CNTNAP2: variants seen among roughly 807,000 people sequenced by gnomAD.
CNTNAP2 encodes contactin-associated protein-like 2.
CNTNAP2 carries 98 observed loss-of-function variants against 155.2 expected under a neutral mutation model. The ratio of observed to expected loss-of-function variants is 0.63; its 90% CI spans 0.54 to 0.75. The LOEUF (loss-of-function observed/expected upper bound fraction) is 0.75, where lower values mean the gene tolerates loss of function less well. Ranked by LOEUF, CNTNAP2 falls within the 30% of genes least tolerant of loss-of-function variation. CNTNAP2 has a pLI of 0.00. For synonymous variants in CNTNAP2, 651 were observed against 631.2 expected, an observed-to-expected ratio of 1.03 and a Z score of -0.47; for missense variants, 1,727 against 1,688.1, an observed-to-expected ratio of 1.02 and a Z score of -0.40.
chr7:148,407,007 T>A (rs1213842240), intron 22 of CNTNAP2, among the ~76,000 whole-genome samples: 1 of 152,218 alleles, frequency 6.6e-6, no homozygotes, highest in East Asian at 1.9e-4. Context: ...GTCTATTTTA[T>A]TGTTCACTGT....
At chr7:147,847,919 G>A (rs1563109380) in intron 13 of CNTNAP2, among the ~76,000 whole-genome samples, 2 of 127,364 alleles carry the variant, frequency 1.6e-5, no homozygotes, top group African/African-American at 6.0e-5. Context: ...GGGGGTCAGG[G>A]GTCAGGGACC....
chr7:147,849,704 AG>A (rs1189037161), intron 13 of CNTNAP2, among the ~76,000 whole-genome samples: 1 of 152,232 alleles, frequency 6.6e-6, no homozygotes, highest in African/African-American at 2.4e-5. Context: ...ACCTGCGAGC[AG>A]GCCAGGGACT....
At chr7:147,617,547 TGC>T (rs1801316304) in intron 12 of CNTNAP2, among the ~76,000 whole-genome samples, 1 of 152,160 alleles carries the variant, frequency 6.6e-6, no homozygotes, top group Non-Finnish European at 1.5e-5. Context: ...ATCTGCATAT[TGC>T]CCCTCCCCAC....
intron 2 of CNTNAP2, among the ~76,000 whole-genome samples, chr7:146,780,352 AT>A (rs559283085): frequency 9.4e-5 from 14 of 148,596 alleles, no homozygotes; most frequent in Admixed American, 4.0e-4. Flanking sequence ...TGCCTGGCTA[AT>A]TTTTTTTTTG....
intron 1 of CNTNAP2, among the ~76,000 whole-genome samples, chr7:146,393,241 T>A (rs1435721113): frequency 6.6e-6 from 1 of 152,182 alleles, no homozygotes; most frequent in Non-Finnish European, 1.5e-5. Flanking sequence ...AGTGACAAAG[T>A]TCTTTCATAT....
chr7:146,351,907 C>T (rs954513516), intron 1 of CNTNAP2, among the ~76,000 whole-genome samples: 25 of 152,132 alleles, frequency 1.6e-4, no homozygotes, highest in African/African-American at 5.8e-4. Context: ...CTCTATTGCT[C>T]TCTTGAGTTT....
chr7:146,513,022 C>G (rs1797490522), intron 1 of CNTNAP2, among the ~76,000 whole-genome samples: 1 of 151,836 alleles, frequency 6.6e-6, no homozygotes, highest in African/African-American at 2.4e-5. Flanking sequence ...TGAATTGACC[C>G]TTTTATAATT....
intron 12 of CNTNAP2, among the ~76,000 whole-genome samples, chr7:147,572,158 C>T (rs1800307233): frequency 1.3e-5 from 2 of 151,480 alleles, no homozygotes; most frequent in Middle Eastern, 3.4e-3. Flanking sequence ...GGATTACCCA[C>T]TCCCAAAGAC....
intron 20 of CNTNAP2, among the ~76,000 whole-genome samples, chr7:148,262,089 C>T (rs185275523): frequency 1.8e-4 from 27 of 152,204 alleles, no homozygotes; most frequent in East Asian, 5.8e-4. Context: ...TAGAGAATGA[C>T]GGGGTGGCTC....
chr7:147,711,369 G>A (rs1268138463), intron 13 of CNTNAP2, among the ~76,000 whole-genome samples: 1 of 152,176 alleles, frequency 6.6e-6, no homozygotes, highest in Non-Finnish European at 1.5e-5. Context: ...GCATACATGA[G>A]TACAGATGGT....
In CNTNAP2 at chr7:148,330,599, A is replaced by G. The variant is rs565770588; in HGVS notation, c.3476-53050A>G. Among the ~76,000 whole-genome samples, 781 of 79,080 alleles carry G rather than the reference A, an allele frequency of 9.9e-3. 12 individuals carry two copies. The highest frequency in any genetic ancestry group is 0.024 in the African/African-American group (526 of 21,768). 51.9% of individuals were successfully genotyped at this position (79,080 alleles called of 152,430 possible). A position where few individuals can be genotyped will look rare whatever the true frequency, so the allele number is the denominator to read the frequency against. ...AGTGGATGGATGGAGTGGACGGATGAAGTGGACGGATGGAATGGACACATG... is the reference window on the plus strand; with the variant it reads ...AGTGGATGGATGGAGTGGACGGATGGAGTGGACGGATGGAATGGACACATG... On this transcript the variant is annotated intron_variant, in intron 21 of 23. Transcript: ENST00000361727.
chr7:147,159,490 A>G (rs183986849), intron 8 of CNTNAP2, among the ~76,000 whole-genome samples: 1 of 152,206 alleles, frequency 6.6e-6, no homozygotes, highest in Admixed American at 6.5e-5. Flanking sequence ...TTTGGATGCA[A>G]TCTTTTAAGA....
At chr7:147,924,534 G>C (rs1033610724) in intron 14 of CNTNAP2, among the ~76,000 whole-genome samples, 2 of 152,052 alleles carry the variant, frequency 1.3e-5, no homozygotes, top group Non-Finnish European at 2.9e-5. Flanking sequence ...TAAAGAAACC[G>C]AGGCTTAGAG....
At chr7:148,350,380 G>T (rs1416680676) in intron 21 of CNTNAP2, among the ~76,000 whole-genome samples, 1 of 152,204 alleles carries the variant, frequency 6.6e-6, no homozygotes, top group East Asian at 1.9e-4. Flanking sequence ...AGGATATGAG[G>T]TTTGCAGAAA....
chr7:146,854,561 G>C (rs1340214927), intron 3 of CNTNAP2, among the ~76,000 whole-genome samples: 1 of 133,236 alleles, frequency 7.5e-6, no homozygotes, highest in Non-Finnish European at 1.6e-5. Context: ...AGAGAGCTTA[G>C]CAAAGGGTCT....
intron 2 of CNTNAP2, among the ~76,000 whole-genome samples, chr7:146,800,721 C>T (rs1477738280): frequency 2.6e-5 from 4 of 152,048 alleles, no homozygotes; most frequent in Non-Finnish European, 4.4e-5. Flanking sequence ...GGAGAATTCT[C>T]ACATAGAGTT....
chr7:146,486,221 C>T (rs541135568), intron 1 of CNTNAP2, among the ~76,000 whole-genome samples: 7 of 151,808 alleles, frequency 4.6e-5, no homozygotes, highest in East Asian at 2.0e-4. Context: ...CCCGCCACCG[C>T]GCCCGGCTAA....
intron 15 of CNTNAP2, among the ~76,000 whole-genome samples, chr7:147,999,041 T>A (rs1184128063): frequency 1.3e-5 from 2 of 152,234 alleles, no homozygotes; most frequent in Non-Finnish European, 2.9e-5. Context: ...AACAACGCTA[T>A]ACTGAAAATA....
intron 1 of CNTNAP2, among the ~76,000 whole-genome samples, chr7:146,195,982 G>A (rs534058097): frequency 7.2e-5 from 11 of 152,300 alleles, no homozygotes; most frequent in Admixed American, 4.6e-4. Flanking sequence ...ATCCATGGCA[G>A]TCTACTGCTC....
Sources: allele counts gnomAD v4.1 joint callset (sites outside exome capture counted in the v4.1 genomes callset), GRCh38; gene constraint gnomAD v4.1.1; transcripts MANE v1.5; gene names NCBI Gene and HGNC (gene_info 2026-07-23, HGNC 2026-07-21).